Variants in AK5 observed in about 807,000 individuals in gnomAD.
The protein encoded by AK5 is adenylate kinase 5, also known as adenylate kinase isoenzyme 5.
A neutral mutation model predicts 69.5 loss-of-function variants in AK5; 27 were observed. The ratio of observed to expected loss-of-function variants is 0.39; its 90% confidence interval spans 0.29 to 0.54. The LOEUF is 0.54. Among genes scored for constraint, AK5 ranks in the 20% least tolerant of loss-of-function variants. AK5 has a pLI of 0.71. For synonymous variants in AK5, 260 were observed against 244.4 expected (o/e 1.06, Z -0.60); for missense variants, 531 against 700.4 (o/e 0.76, Z 2.73).
At chr1:77,491,279 T>G (rs1300845837) in intron 10 of AK5, among the ~76,000 whole-genome samples, 1 of 151,450 alleles carries the variant, frequency 6.6e-6, no homozygotes, top group East Asian at 1.9e-4. Flanking sequence ...CATTATTGCC[T>G]TATTATTAAA....
chr1:77,470,854 TATATA>T (rs1654439315), intron 8 of AK5, among the ~76,000 whole-genome samples: 1 of 31,644 alleles, frequency 3.2e-5, no homozygotes, highest in Admixed American at 5.6e-4. Context: ...TATATATATA[TATATA>T]TATATATATA....
At chr1:77,422,804 T>G (rs1650905342) in intron 8 of AK5, among the ~76,000 whole-genome samples, 1 of 152,216 alleles carries the variant, frequency 6.6e-6, no homozygotes, top group Non-Finnish European at 1.5e-5. Context: ...CCCATTTGTT[T>G]AAAGCCAAGA....
In AK5 at chr1:77,468,094, C is replaced by T. The variant is rs146415906; in HGVS notation, c.1060-15223C>T. Among the ~76,000 whole-genome samples the T allele has an allele frequency of 3.6e-3, 547 of 152,296 alleles. 1 individual carries two copies. Among genetic ancestry groups the T allele is most frequent in the African/African-American group, 0.013 (534 of 41,556 alleles). ...CTGAGGCCACTTTAGTACACCAAGC[C>T]TCTTGGCTTATAAATGGAGGCATGT... On this transcript the variant is annotated intron_variant, in intron 8 of 13. Coordinates refer to ENST00000354567, the MANE Select transcript of AK5 (RefSeq NM_174858.3).
At chr1:77,493,349 C>A (rs140261188) in intron 10 of AK5, among the ~76,000 whole-genome samples, 206 of 152,038 alleles carry the variant, frequency 1.4e-3, no homozygotes, top group African/African-American at 4.7e-3. Flanking sequence ...GTTCTCAGGC[C>A]TTTGGACTCA....
chr1:77,478,526 C>T (rs1218116043), intron 8 of AK5, among the ~76,000 whole-genome samples: 1 of 152,206 alleles, frequency 6.6e-6, no homozygotes, highest in Non-Finnish European at 1.5e-5. Flanking sequence ...GAGGGTTCTT[C>T]AGCCACGTGG....
chr1:77,406,746 C>T (rs1034104463), intron 6 of AK5, among the ~76,000 whole-genome samples: 14 of 144,432 alleles, frequency 9.7e-5, no homozygotes, highest in African/African-American at 3.7e-4. Context: ...AAAACAGTAC[C>T]TGGTGCTCAC....
chr1:77,368,215 C>CTA (rs1172723260), intron 6 of AK5, among the ~76,000 whole-genome samples: 7 of 28,196 alleles, frequency 2.5e-4, no homozygotes, highest in African/African-American at 6.6e-4. Context: ...AGTAGAGATA[C>CTA]TATATATATA....
At chr1:77,376,604 C>G (rs185254537) in intron 6 of AK5, among the ~76,000 whole-genome samples, 18 of 151,908 alleles carry the variant, frequency 1.2e-4, no homozygotes, top group African/African-American at 4.1e-4. Flanking sequence ...TGAGAGGTTG[C>G]ATGATATCAG....
chr1:77,479,023 A>C (rs1402265878), intron 8 of AK5, among the ~76,000 whole-genome samples: 1 of 151,780 alleles, frequency 6.6e-6, no homozygotes, highest in African/African-American at 2.4e-5. Context: ...CTGGAAGATG[A>C]GGGATAGAGA....
At chr1:77,383,829 C>T (rs2100508803) in intron 6 of AK5, among the ~76,000 whole-genome samples, 1 of 151,998 alleles carries the variant, frequency 6.6e-6, no homozygotes, top group African/African-American at 2.4e-5. Flanking sequence ...GAAAAATAAG[C>T]CACAATGAAC....
rs746652930 is a variant in AK5 at position 77,417,667 on chromosome 1, A to T, written c.1011A>T (p.Ile337=). The T allele has an allele frequency of 2.5e-6, 4 of 1,609,914 alleles. No individual in the cohort carries two copies. Residue 337 remains isoleucine, a synonymous_variant, in exon 8 of 14, where the codon ATA becomes ATT. Coordinates refer to ENST00000354567, the MANE Select transcript of AK5 (RefSeq NM_174858.3). ...CAAGTGACCTTGATCCTTCGATGAT[A>T]TTGGACACTGGAGAGATCATTGATA... ...AGSSDLDPSM[I]LDTGEIIDTG...
At chr1:77,333,089 A>G (rs1661171965) in intron 5 of AK5, among the ~76,000 whole-genome samples, 1 of 151,968 alleles carries the variant, frequency 6.6e-6, no homozygotes, top group African/African-American at 2.4e-5. Flanking sequence ...CCTACAGTCT[A>G]CTGCTGTGTT....
chr1:77,367,347 G>T, intron 6 of AK5, among the ~76,000 whole-genome samples: 2 of 149,448 alleles, frequency 1.3e-5, no homozygotes, highest in East Asian at 2.0e-4. Flanking sequence ...TTTGTTTTTT[G>T]AGACAGGATC....
At chr1:77,441,173 A>C (rs1017554551) in intron 8 of AK5, among the ~76,000 whole-genome samples, 1 of 152,010 alleles carries the variant, frequency 6.6e-6, no homozygotes, top group African/African-American at 2.4e-5. Context: ...TCTCTGTTGT[A>C]CTTCTCATTC....
chr1:77,350,855 G>T (rs1662156024), intron 6 of AK5, among the ~76,000 whole-genome samples: 3 of 152,170 alleles, frequency 2.0e-5, no homozygotes, highest in Non-Finnish European at 4.4e-5. Context: ...ATTATCAAGT[G>T]ACATTAAAAT....
intron 13 of AK5, among the ~76,000 whole-genome samples, chr1:77,538,670 A>G (rs1433212042): frequency 1.3e-5 from 2 of 152,162 alleles, no homozygotes; most frequent in Non-Finnish European, 2.9e-5. Context: ...AAAAAATTAA[A>G]AAAAAGAAAG....
chr1:77,466,390 T>G (rs1461153870), intron 8 of AK5, among the ~76,000 whole-genome samples: 2 of 152,206 alleles, frequency 1.3e-5, no homozygotes, highest in African/African-American at 2.4e-5. Context: ...TATCGTTACC[T>G]AATATCAGTT....
intron 5 of AK5, among the ~76,000 whole-genome samples, chr1:77,321,806 A>T: frequency 6.6e-6 from 1 of 152,216 alleles, no homozygotes; most frequent in South Asian, 2.1e-4. Flanking sequence ...AAGAAAAAGA[A>T]ACAAAAGGCA....
chr1:77,457,659 T>C (rs1373592313), intron 8 of AK5, among the ~76,000 whole-genome samples: 1 of 146,514 alleles, frequency 6.8e-6, no homozygotes, highest in Non-Finnish European at 1.5e-5. Flanking sequence ...AAATTTTCTT[T>C]GTCTGTTGCA....
Sources: gnomAD v4.1 joint callset for allele counts (sites outside exome capture counted in the v4.1 genomes callset) on GRCh38, gnomAD v4.1.1 for gene constraint, MANE v1.5 for transcripts, NCBI Gene and HGNC (gene_info 2026-07-23, HGNC 2026-07-21) for gene names.